ERI1: variants seen among roughly 807,000 people sequenced by gnomAD.
The protein encoded by ERI1 is 3'-5' exoribonuclease 1.
In ERI1, 39 loss-of-function variants were observed where a neutral mutation model predicts 39.7. The observed-to-expected ratio is 0.98, with a 90% CI of 0.76 to 1.28. The LOEUF is 1.28. ERI1 is among the 50% of genes most tolerant of loss of function. The probability of loss-of-function intolerance (pLI) is 0.00; values close to 1 mark genes in which losing one functional copy is unlikely to be tolerated. For synonymous variants in ERI1, 204 were observed against 149.6 expected, an observed-to-expected ratio of 1.36 and a Z score of -2.65; for missense variants, 581 against 416.9, an observed-to-expected ratio of 1.39 and a Z score of -3.43.
At chr8:9,024,701 A>G (rs907361368) in intron 6 of ERI1, among the ~76,000 whole-genome samples, 1 of 152,206 alleles carries the variant, frequency 6.6e-6, no homozygotes, top group Non-Finnish European at 1.5e-5. Flanking sequence ...CTAGGATTAC[A>G]GGCATGAGCC....
In ERI1 at chr8:9,081,477, G is replaced by C. The variant is rs760268423; in HGVS notation, n.300-34871G>C. Among the ~76,000 whole-genome samples, 2 of 152,124 alleles carry C rather than the reference G, an allele frequency of 1.3e-5. 1 individual carries two copies. Among genetic ancestry groups the C allele is most frequent in the African/African-American group, 4.8e-5 (2 of 41,480 alleles). On this transcript the variant is annotated intron_variant and non_coding_transcript_variant, in intron 3 of 3. Coordinates refer to the ERI1 transcript ENST00000518663. ...AATAAATTATTATTTTTTTAAAGTGGATGCTGGAATCCCTCAGGCATTGCC... is the reference window on the plus strand; with the variant it reads ...AATAAATTATTATTTTTTTAAAGTGCATGCTGGAATCCCTCAGGCATTGCC...
chr8:9,055,294 A>G (rs1334141916), intron 3 of ERI1, among the ~76,000 whole-genome samples: 1 of 152,218 alleles, frequency 6.6e-6, no homozygotes, highest in Non-Finnish European at 1.5e-5. Flanking sequence ...ACTACAGTCT[A>G]TTTACAACTC....
At chr8:9,093,808 C>A (rs1407041330) in intron 3 of ERI1, among the ~76,000 whole-genome samples, 2 of 152,110 alleles carry the variant, frequency 1.3e-5, no homozygotes, top group African/African-American at 4.8e-5. Context: ...AACTCCTGAC[C>A]TCAGACGATC....
chr8:9,003,557 G>A (rs182166625), intron 1 of ERI1, among the ~76,000 whole-genome samples: 137 of 152,272 alleles, frequency 9.0e-4, no homozygotes, highest in African/African-American at 3.1e-3. Flanking sequence ...GTCACTTCAT[G>A]CCTGTTTTTA....
At position 9,011,553 on chromosome 8, in the gene ERI1, A is replaced by G; in HGVS notation, c.299A>G (p.Asp100Gly). 6.2e-7 allele frequency: 1 copy of G among 1,606,094 alleles called. No homozygotes were observed. The highest frequency in any genetic ancestry group is 8.5e-7 in the Non-Finnish European group (1 of 1,176,074). The change falls in exon 3 of 7, where the codon GAT (aspartate) becomes GGT (glycine). Residue 100 changes from aspartate (D) to glycine (G), a missense_variant. Coordinates refer to ENST00000250263, the MANE Select transcript of ERI1 (RefSeq NM_153332.4). The part of the protein sequence containing the change: ...EFKLETRGVK[D>G]VLKKRLKNYY... The stretch of plus-strand genomic sequence containing the variant: ...CTTCTTCTACTTAGAGGAGTAAAGG[A>G]TGTTCTAAAGAAGAGACTGAAAAAC...
intron 3 of ERI1, among the ~76,000 whole-genome samples, chr8:9,056,263 CAG>C (rs934878160): frequency 1.8e-4 from 28 of 152,252 alleles, no homozygotes; most frequent in African/African-American, 6.8e-4. Context: ...TCCCTGAAGT[CAG>C]AGAATGCAGG....
intron 6 of ERI1, among the ~76,000 whole-genome samples, chr8:9,022,114 G>T (rs560395746): frequency 8.6e-4 from 131 of 151,848 alleles, no homozygotes; most frequent in African/African-American, 3.0e-3. Flanking sequence ...ACTCTTATCA[G>T]TGCTATGTGA....
At chr8:9,009,118 G>C (rs912652958) in intron 2 of ERI1, 1 of 455,538 alleles carries the variant, frequency 2.2e-6, no homozygotes, top group African/African-American at 2.0e-5. Context: ...CCTGGCTTGC[G>C]TGGGAGCTAG....
At chr8:9,074,027 C>A (rs904804633) in intron 3 of ERI1, among the ~76,000 whole-genome samples, 2 of 152,170 alleles carry the variant, frequency 1.3e-5, no homozygotes, top group African/African-American at 4.8e-5. Context: ...CTCAAGCAAT[C>A]TTCCTGCCTT....
chr8:9,057,431 C>T (rs1798544749), intron 3 of ERI1, among the ~76,000 whole-genome samples: 1 of 152,218 alleles, frequency 6.6e-6, no homozygotes, highest in African/African-American at 2.4e-5. Context: ...ACTCCAATCG[C>T]CACCTAGATG....
chr8:9,003,459 T>C (rs1181742493), intron 1 of ERI1, among the ~76,000 whole-genome samples: 4 of 152,234 alleles, frequency 2.6e-5, no homozygotes, highest in African/African-American at 4.8e-5. Context: ...AATTCTGTGT[T>C]CACGGTTGCT....
At chr8:9,057,564 A>T (rs570719689) in intron 3 of ERI1, among the ~76,000 whole-genome samples, 1 of 152,338 alleles carries the variant, frequency 6.6e-6, no homozygotes, top group Admixed American at 6.5e-5. Context: ...GATTCATCAC[A>T]TATTTTTTAT....
intron 3 of ERI1, chr8:9,088,341 CTT>C (rs1441335644): frequency 1.3e-5 from 2 of 152,098 alleles, no homozygotes; most frequent in African/African-American, 2.4e-5. Context: ...CAATTTCCCA[CTT>C]TCTTTGCTGT....
intron 3 of ERI1, among the ~76,000 whole-genome samples, chr8:9,044,804 A>C (rs191729338): frequency 6.6e-6 from 1 of 152,088 alleles, no homozygotes; most frequent in Non-Finnish European, 1.5e-5. Context: ...CAATGTGCAG[A>C]TAGAGATTCC....
In ERI1 at chr8:9,093,271, G is replaced by A. The variant is rs531596358; in HGVS notation, n.300-23077G>A. Reference sequence around the variant, plus strand: ...TGATTAGCTTTAAAAAAATCTTAACGTTTTAAGAAAGTTTATGAATCTGTG... The same window carrying A: ...TGATTAGCTTTAAAAAAATCTTAACATTTTAAGAAAGTTTATGAATCTGTG... On this transcript the variant is annotated intron_variant and non_coding_transcript_variant, in intron 3 of 3. Coordinates refer to the ERI1 transcript ENST00000518663. Among the ~76,000 whole-genome samples, 6 of 152,214 alleles carry A rather than the reference G, an allele frequency of 3.9e-5. No individual in the cohort carries two copies. In the East Asian group the frequency reaches 1.2e-3, roughly 29 times the overall value.
At chr8:9,071,076 T>C (rs528924740) in intron 3 of ERI1, among the ~76,000 whole-genome samples, 3 of 152,330 alleles carry the variant, frequency 2.0e-5, no homozygotes, top group African/African-American at 7.2e-5. Context: ...AAGCAACATA[T>C]CTTTCTTGGC....
rs371952835 is a variant in ERI1 at position 9,020,498 on chromosome 8, TTAA to T, written c.807+36_807+38del. 549 of 1,329,328 alleles carry T rather than the reference TTAA, an allele frequency of 4.1e-4. 1 individual carries two copies. The African/African-American group carries it at 6.5e-3, about 16-fold the overall frequency. The allele number at this position is 1,329,328 out of a possible 1,614,324, so 82.3% of individuals were successfully genotyped here. A position where few individuals can be genotyped will look rare whatever the true frequency, so the allele number is the denominator to read the frequency against. On this transcript the variant is annotated intron_variant, in intron 6 of 6. Transcript: ENST00000250263. ...TCTATATTTAATAATTACGTGGTTC[TTAA>T]TGATAAATTTGTTAAAATTTGCATG...
chr8:9,017,415 T>C (rs1285306447), intron 4 of ERI1, among the ~76,000 whole-genome samples: 1 of 152,208 alleles, frequency 6.6e-6, no homozygotes, highest in Non-Finnish European at 1.5e-5. Flanking sequence ...AGTTAGTTCA[T>C]TCATTCACTC....
intron 3 of ERI1, among the ~76,000 whole-genome samples, chr8:9,041,937 T>G (rs1003587496): frequency 2.6e-5 from 4 of 152,196 alleles, no homozygotes; most frequent in Non-Finnish European, 5.9e-5. Flanking sequence ...TTTCACCATG[T>G]TGGCCAGGCT....
Sources: allele counts gnomAD v4.1 joint callset (sites outside exome capture counted in the v4.1 genomes callset), GRCh38; gene constraint gnomAD v4.1.1; transcripts MANE v1.5; gene names NCBI Gene and HGNC (gene_info 2026-07-23, HGNC 2026-07-21).